The following KDM3A variants were observed in gnomAD, a reference collection of about 807,000 sequenced individuals.
KDM3A encodes lysine-specific demethylase 3A.
A neutral mutation model predicts 158.0 loss-of-function variants in KDM3A; 60 were observed. The observed-to-expected ratio is 0.38, with a 90% CI of 0.31 to 0.47. KDM3A has a LOEUF of 0.47. Among genes scored for constraint, KDM3A ranks in the 20% least tolerant of loss-of-function variants. KDM3A has a pLI of 0.99. For synonymous variants in KDM3A, 608 were observed against 549.3 expected, an observed-to-expected ratio of 1.11 and a Z score of -1.49; for missense variants, 1,319 against 1,574.3, an observed-to-expected ratio of 0.84 and a Z score of 2.74.
chr2:86,490,568 C>T (rs546074803), intron 23 of KDM3A: 1 of 193,138 alleles, frequency 5.2e-6, no homozygotes, highest in Non-Finnish European at 1.1e-5. Context: ...AAAACAAGTT[C>T]ATTTATAAGG....
intron 18 of KDM3A, 60 bp downstream of exon 18, chr2:86,482,754 A>G (rs1211118707): frequency 1.3e-6 from 2 of 1,543,302 alleles, no homozygotes; most frequent in Non-Finnish European, 8.8e-7. Context: ...TTCCTTTAGC[A>G]GACTTCTGAC....
intron 21 of KDM3A, among the ~76,000 whole-genome samples, chr2:86,486,202 C>G (rs1183708288): frequency 6.6e-6 from 1 of 152,078 alleles, no homozygotes; most frequent in African/African-American, 2.4e-5. Context: ...TTTCAGTGTT[C>G]GGACATTTAG....
chr2:86,461,971 A>C (rs1672950161), intron 8 of KDM3A, among the ~76,000 whole-genome samples: 1 of 152,148 alleles, frequency 6.6e-6, no homozygotes, highest in African/African-American at 2.4e-5. Context: ...GACTGCCGTG[A>C]TCTTATTTGA....
chr2:86,481,947 C>T lies in KDM3A; in HGVS notation c.2530C>T (p.Pro844Ser). ...TATTTTAGAAAAACAACCAACAATG[C>T]CAATTTTAAAGAATGAAATCAAATG... is the stretch of plus-strand genomic sequence containing the variant. ...KENKEKQPTM[P>S]ILKNEIKCLP... The change falls in exon 17 of 26, where the codon CCA becomes TCA. Residue 844 changes from proline (P) to serine (S), a missense_variant. Transcript: ENST00000312912. 1 of 1,609,490 alleles carries T rather than the reference C, an allele frequency of 6.2e-7. No individual in the cohort carries two copies. The highest frequency in any genetic ancestry group is 8.5e-7 in the Non-Finnish European group (1 of 1,178,244).
At chr2:86,468,320 CAAAAG>C (rs1007517421) in intron 10 of KDM3A, among the ~76,000 whole-genome samples, 41 of 152,274 alleles carry the variant, frequency 2.7e-4, no homozygotes, top group Non-Finnish European at 4.0e-4. Flanking sequence ...AGGTAACACT[CAAAAG>C]AAAGTACATA....
intron 2 of KDM3A, among the ~76,000 whole-genome samples, chr2:86,443,986 C>G (rs913686920): frequency 4.6e-5 from 7 of 152,180 alleles, no homozygotes; most frequent in Non-Finnish European, 1.0e-4. Context: ...TTTATTTAAA[C>G]TTTCCAGTCT....
intron 8 of KDM3A, among the ~76,000 whole-genome samples, chr2:86,462,614 T>C (rs1038072668): frequency 2.0e-5 from 3 of 152,194 alleles, no homozygotes; most frequent in Non-Finnish European, 4.4e-5. Context: ...TAGTGTAATA[T>C]ATGATCAGAT....
chr2:86,484,292 T>C, intron 19 of KDM3A, 134 bp downstream of exon 19: 1 of 684,810 alleles, frequency 1.5e-6, no homozygotes, highest in Middle Eastern at 4.1e-4. Context: ...ACGTCTCTCC[T>C]CCCCTTCCTT....
Position 86,442,163 on chromosome 2 carries a change from C to T in KDM3A, c.116C>T (p.Ala39Val), listed in dbSNP as rs780013893. ...GACAGCTGGGACGTGGAGCGCGTCG[C>T]CGAGTGGCCCTGGCTCTCCGGGACC... ...SHDSWDVERV[A>V]EWPWLSGTIR... is the part of the protein sequence containing the mutation. Residue 39 changes from alanine to valine, a missense_variant, in exon 2 of 26, where the codon GCC (alanine) becomes GTC (valine). By Grantham distance (64) the Ala-to-Val change is moderately conservative. Transcript: ENST00000312912. 27 of 1,614,078 alleles carry T rather than the reference C, an allele frequency of 1.7e-5. No individual in the cohort carries two copies. In the East Asian group the frequency reaches 5.1e-4, roughly 31 times the overall value.
intron 2 of KDM3A, 129 bp downstream of exon 2, chr2:86,442,362 A>AAGCT (rs1381527857): frequency 1.2e-6 from 1 of 855,270 alleles, no homozygotes; most frequent in Non-Finnish European, 1.8e-6. Flanking sequence ...AAGGTGCAGG[A>AAGCT]AGCTAGATCT....
chr2:86,477,138 T>C (rs889907621), intron 12 of KDM3A, among the ~76,000 whole-genome samples: 4 of 152,238 alleles, frequency 2.6e-5, no homozygotes, highest in Non-Finnish European at 5.9e-5. Context: ...CCTCCAGTTA[T>C]TAGGTCTTGG....
At chr2:86,455,319 T>C in intron 5 of KDM3A, 132 bp downstream of exon 5, 1 of 587,674 alleles carries the variant, frequency 1.7e-6, no homozygotes, top group Non-Finnish European at 2.9e-6. Flanking sequence ...TGAGACAGTC[T>C]AGTTCCTAGG....
At chr2:86,437,429 C>T (rs1190760189), upstream of KDM3A, among the ~76,000 whole-genome samples, 1 of 152,174 alleles carries the variant, frequency 6.6e-6, no homozygotes, top group Non-Finnish European at 1.5e-5. Flanking sequence ...GCATAAGTCA[C>T]TGCGCCCGGC....
Position 86,477,311 on chromosome 2 carries a change from C to T in KDM3A, c.1940-566C>T, listed in dbSNP as rs1424336411. 2.4e-4 allele frequency among the ~76,000 whole-genome samples: 37 copies of T among 152,214 alleles called. 1 individual carries two copies. The highest frequency in any genetic ancestry group is 2.4e-3 in the Admixed American group (37 of 15,288). ...AAGAAACTGATCTTGGACCATTGTG[C>T]CTGCACAAAGTTAATGTGCAACTCC... On this transcript the variant is annotated intron_variant, in intron 12 of 25. Coordinates refer to ENST00000312912, the MANE Select transcript of KDM3A (RefSeq NM_018433.6).
chr2:86,442,273 A>T, intron 2 of KDM3A, 40 bp downstream of exon 2: 1 of 1,563,720 alleles, frequency 6.4e-7, no homozygotes. Context: ...GACGTTTCGC[A>T]GTTACCGTGG....
Position 86,456,813 on chromosome 2 carries a change from A to G in KDM3A, c.690A>G (p.Ala230=), listed in dbSNP as rs1462291173. 1 of 1,610,462 alleles carries G rather than the reference A, an allele frequency of 6.2e-7. No homozygotes were observed. Residue 230 remains alanine (A), a synonymous_variant, in exon 7 of 26, where the codon GCA becomes GCG. Coordinates refer to ENST00000312912, the MANE Select transcript of KDM3A (RefSeq NM_018433.6). ...TLQVNCEEIP[A]LKIVDPSLIH... ...TTTCATTTATTTTTAAGATTCCAGC[A>G]CTGAAAATTGTTGATCCGTCACTGA...
chr2:86,491,078 T>C (rs1234421072), intron 24 of KDM3A, 21 bp downstream of exon 24: 2 of 1,612,912 alleles, frequency 1.2e-6, no homozygotes, highest in African/African-American at 1.3e-5. Flanking sequence ...TTACTTTTTC[T>C]TTAATCTCTT....
At chr2:86,465,824 T>G (rs1673114963) in intron 9 of KDM3A, among the ~76,000 whole-genome samples, 2 of 151,750 alleles carry the variant, frequency 1.3e-5, no homozygotes, top group South Asian at 2.1e-4. Flanking sequence ...TTACTAGAGG[T>G]TCAATTTTTG....
At chr2:86,451,874 A>G (rs536359528) in intron 4 of KDM3A, among the ~76,000 whole-genome samples, 4 of 152,340 alleles carry the variant, frequency 2.6e-5, no homozygotes, top group African/African-American at 9.6e-5. Context: ...ATAATATTTA[A>G]AAGTAGACCG....
Sources: gnomAD v4.1 joint callset for allele counts (sites outside exome capture counted in the v4.1 genomes callset) on GRCh38, gnomAD v4.1.1 for gene constraint, MANE v1.5 for transcripts, NCBI Gene and HGNC (gene_info 2026-07-23, HGNC 2026-07-21) for gene names.